Variants in ICOS observed in about 807,000 individuals in gnomAD.
The protein encoded by ICOS is inducible T cell costimulator.
Under a neutral mutation model 24.6 loss-of-function variants are expected in ICOS, and 15 were observed. The ratio of observed to expected loss-of-function variants is 0.61; its 90% CI spans 0.41 to 0.94. The LOEUF (loss-of-function observed/expected upper bound fraction) is 0.94, where lower values mean the gene tolerates loss of function less well. Among genes scored for constraint, ICOS ranks in the 40% least tolerant of loss-of-function variants. ICOS has a pLI of 0.00. For synonymous variants in ICOS, 89 were observed against 77.5 expected (o/e 1.15, Z -0.78); for missense variants, 200 against 233.0 (o/e 0.86, Z 0.92).
intron 1 of ICOS, among the ~76,000 whole-genome samples, chr2:203,951,610 G>A (rs1476755088): frequency 6.6e-6 from 1 of 152,132 alleles, no homozygotes; most frequent in South Asian, 2.1e-4. Context: ...CACAATGGGG[G>A]AAAAATCTGC....
intron 1 of ICOS, among the ~76,000 whole-genome samples, chr2:203,947,616 A>G (rs1197567620): frequency 2.0e-5 from 3 of 152,178 alleles, no homozygotes. Context: ...TATAAAAATT[A>G]TTGTTAGCAG....
At chr2:203,946,556 A>C (rs1007419652) in intron 1 of ICOS, among the ~76,000 whole-genome samples, 11 of 152,228 alleles carry the variant, frequency 7.2e-5, no homozygotes, top group Admixed American at 2.0e-4. Context: ...TAAGTTTAGA[A>C]ATGATGCATA....
At chr2:203,952,521 T>C (rs986075012) in intron 1 of ICOS, among the ~76,000 whole-genome samples, 1 of 152,220 alleles carries the variant, frequency 6.6e-6, no homozygotes, top group Non-Finnish European at 1.5e-5. Flanking sequence ...GTGCATACTT[T>C]TAAAAAATAT....
At chr2:203,942,075 G>A (rs1689786988) in intron 1 of ICOS, among the ~76,000 whole-genome samples, 1 of 152,170 alleles carries the variant, frequency 6.6e-6, no homozygotes, top group Non-Finnish European at 1.5e-5. Flanking sequence ...GTTAGGATCT[G>A]TTTATTTGAG....
At chr2:203,937,596 G>A (rs1174137158) in intron 1 of ICOS, among the ~76,000 whole-genome samples, 1 of 151,964 alleles carries the variant, frequency 6.6e-6, no homozygotes, top group Non-Finnish European at 1.5e-5. Flanking sequence ...TACTACTTTT[G>A]TTTTCTCTTT....
chr2:203,957,829 G>A lies in ICOS; in HGVS notation c.532G>A (p.Gly178Ser), dbSNP rs761137420. The change falls in exon 4 of 5, where the codon GGT (glycine) becomes AGT (serine). Residue 178 changes from glycine (G) to serine (S), a missense_variant. By Grantham distance (56) the Gly-to-Ser change is moderately conservative. Coordinates refer to ENST00000316386, the MANE Select transcript of ICOS (RefSeq NM_012092.4). ...TTCATCCAGTGTGCACGACCCTAAC[G>A]GTGAATACATGTTCATGAGAGCAGT... Reference protein sequence around the residue: ...KYSSSVHDPNGEYMFMRAVNT... With the variant: ...KYSSSVHDPNSEYMFMRAVNT... 3.7e-6 allele frequency: 6 copies of A among 1,613,196 alleles called. No homozygotes were observed. The highest frequency in any genetic ancestry group is 1.6e-4 in the Middle Eastern group (1 of 6,082).
At chr2:203,944,735 A>C (rs1689840190) in intron 1 of ICOS, among the ~76,000 whole-genome samples, 1 of 152,224 alleles carries the variant, frequency 6.6e-6, no homozygotes, top group Non-Finnish European at 1.5e-5. Flanking sequence ...AGACAAAAAT[A>C]ATTATGATCC....
In ICOS at chr2:203,955,713, G is replaced by T. The variant is rs1229656377; in HGVS notation, c.136G>T (p.Asp46Tyr). 1.2e-6 allele frequency: 2 copies of T among 1,613,594 alleles called. No individual in the cohort carries two copies. Among genetic ancestry groups the T allele is most frequent in the Non-Finnish European group, 8.5e-7 (1 of 1,179,684 alleles). Residue 46 changes from aspartate to tyrosine, a missense_variant, in exon 2 of 5, where the codon GAC becomes TAC. Transcript: ENST00000316386. ...GGVQILCKYP[D>Y]IVQQFKMQLL... ...TGTACAAATTTTATGCAAATATCCTGACATTGTCCAGCAATTTAAAATGCA... is the reference window on the plus strand; with the variant it reads ...TGTACAAATTTTATGCAAATATCCTTACATTGTCCAGCAATTTAAAATGCA...
rs1690149957 is a variant in ICOS at position 203,960,038 on chromosome 2, G to A, written c.*439G>A. 1 of 301,580 alleles carries A rather than the reference G, an allele frequency of 3.3e-6. No individual in the cohort carries two copies. The highest frequency in any genetic ancestry group is 6.5e-6 in the Non-Finnish European group (1 of 154,636). 18.7% of individuals were successfully genotyped at this position (301,580 alleles called of 1,614,324 possible). A position where few individuals can be genotyped will look rare whatever the true frequency, so the allele number is the denominator to read the frequency against. On this transcript the variant is annotated 3_prime_UTR_variant, in exon 5 of 5. Coordinates refer to ENST00000316386, the MANE Select transcript of ICOS (RefSeq NM_012092.4). ...TCATACTACCTCTTCTTTCTGTAGG[G>A]ATGAGAATTCCTCTTTTAATCAGTC...
At chr2:203,942,863 T>G (rs1429783287) in intron 1 of ICOS, among the ~76,000 whole-genome samples, 1 of 152,222 alleles carries the variant, frequency 6.6e-6, no homozygotes, top group Non-Finnish European at 1.5e-5. Flanking sequence ...TTCTTTTTTC[T>G]TTGTTTTTGT....
intron 1 of ICOS, among the ~76,000 whole-genome samples, chr2:203,951,807 A>G (rs1689979469): frequency 2.0e-5 from 3 of 152,200 alleles, no homozygotes; most frequent in African/African-American, 7.2e-5. Context: ...TCTGCAGCAG[A>G]CGGTAGAGAC....
intron 1 of ICOS, among the ~76,000 whole-genome samples, chr2:203,951,115 A>T (rs1410956289): frequency 6.6e-6 from 1 of 152,034 alleles, no homozygotes; most frequent in Non-Finnish European, 1.5e-5. Flanking sequence ...TCTTCAGCTG[A>T]TGTCAGTGGC....
At chr2:203,941,528 C>G (rs1250420517) in intron 1 of ICOS, among the ~76,000 whole-genome samples, 1 of 152,166 alleles carries the variant, frequency 6.6e-6, no homozygotes, top group East Asian at 1.9e-4. Flanking sequence ...AAATCTACAA[C>G]ATATACTGCT....
intron 1 of ICOS, 106 bp from the exon 2 acceptor site, chr2:203,955,530 A>G (rs1459339045): frequency 2.0e-5 from 17 of 863,164 alleles, no homozygotes; most frequent in Non-Finnish European, 3.1e-5. Context: ...TTGGTGCAAC[A>G]GAGATGACTT....
intron 1 of ICOS, among the ~76,000 whole-genome samples, chr2:203,938,107 TAG>T (rs1002538963): frequency 3.3e-5 from 5 of 152,146 alleles, no homozygotes; most frequent in Admixed American, 6.5e-5. Flanking sequence ...AACTGCATGG[TAG>T]AGAGAGATAT....
Position 203,937,016 on chromosome 2 carries a change from C to CA in ICOS, c.58+144_58+145insA, listed in dbSNP as rs1689663258. On this transcript the variant is annotated intron_variant, in intron 1 of 4. Transcript: ENST00000316386. ...TAGTTTCAGGATATGGCCAAGGGCACCATGTCACTCATGTCACTGTGGATG... is the reference window on the plus strand; with the variant it reads ...TAGTTTCAGGATATGGCCAAGGGCACACATGTCACTCATGTCACTGTGGATG... The CA allele has an allele frequency of 4.4e-6, 3 of 677,482 alleles. No individual in the cohort carries two copies. In the Admixed American group the frequency reaches 6.4e-5, roughly 14 times the overall value. The allele number at this position is 677,482 out of a possible 1,614,324, so 42.0% of individuals were successfully genotyped here. A position where few individuals can be genotyped will look rare whatever the true frequency, so the allele number is the denominator to read the frequency against.
chr2:203,957,517 G>A (rs1329713086), intron 3 of ICOS, among the ~76,000 whole-genome samples: 1 of 152,110 alleles, frequency 6.6e-6, no homozygotes, highest in Non-Finnish European at 1.5e-5. Context: ...AGTGGAATTT[G>A]GAAAGAGACA....
At chr2:203,943,836 G>A (rs1004506784) in intron 1 of ICOS, among the ~76,000 whole-genome samples, 4 of 152,096 alleles carry the variant, frequency 2.6e-5, no homozygotes, top group Non-Finnish European at 5.9e-5. Flanking sequence ...TGGGGGATGT[G>A]GGTGAGATTC....
intron 1 of ICOS, among the ~76,000 whole-genome samples, chr2:203,939,838 T>A (rs1196934143): frequency 6.6e-6 from 1 of 152,146 alleles, no homozygotes; most frequent in African/African-American, 2.4e-5. Flanking sequence ...CCTTCCAGAG[T>A]GTTCTTGTTA....
Sources: gnomAD v4.1 joint callset for allele counts (sites outside exome capture counted in the v4.1 genomes callset) on GRCh38, gnomAD v4.1.1 for gene constraint, MANE v1.5 for transcripts, NCBI Gene and HGNC (gene_info 2026-07-23, HGNC 2026-07-21) for gene names.